LRRTM4: variants seen among roughly 807,000 people sequenced by gnomAD.
LRRTM4 encodes the protein leucine rich repeat transmembrane neuronal 4, also known as leucine-rich repeat transmembrane neuronal protein 4.
Under a neutral mutation model 47.6 loss-of-function variants are expected in LRRTM4, and 25 were observed. That is an observed-to-expected ratio of 0.53 (90% CI 0.38 to 0.73). The LOEUF is 0.73. Ranked by LOEUF, LRRTM4 falls within the 30% of genes least tolerant of loss-of-function variation. The pLI, the probability that LRRTM4 is intolerant of heterozygous loss-of-function variation, is 0.00. For synonymous variants in LRRTM4, 311 were observed against 269.5 expected, an observed-to-expected ratio of 1.15 and a Z score of -1.51; for missense variants, 638 against 713.4, an observed-to-expected ratio of 0.89 and a Z score of 1.20.
intron 3 of LRRTM4, among the ~76,000 whole-genome samples, chr2:76,808,547 T>C (rs1287234832): frequency 6.6e-6 from 1 of 152,196 alleles, no homozygotes; most frequent in Non-Finnish European, 1.5e-5. Flanking sequence ...GGTTGTCTTT[T>C]ATTTATTGAT....
At chr2:76,945,427 G>A (rs1292590387) in intron 3 of LRRTM4, among the ~76,000 whole-genome samples, 2 of 151,970 alleles carry the variant, frequency 1.3e-5, no homozygotes, top group Non-Finnish European at 2.9e-5. Flanking sequence ...TAAGGCATGG[G>A]GCAATATTGG....
chr2:77,181,783 T>C (rs1360690197), intron 3 of LRRTM4, among the ~76,000 whole-genome samples: 1 of 151,952 alleles, frequency 6.6e-6, no homozygotes, highest in Non-Finnish European at 1.5e-5. Flanking sequence ...AAAGGCAATT[T>C]AACAAAATTA....
intron 3 of LRRTM4, among the ~76,000 whole-genome samples, chr2:76,970,477 T>C (rs970692101): frequency 2.6e-5 from 4 of 152,002 alleles, no homozygotes; most frequent in Non-Finnish European, 2.9e-5. Context: ...AAGCATGCTA[T>C]TGAATAAGTT....
chr2:77,379,975 A>G (rs1345764705), intron 3 of LRRTM4, among the ~76,000 whole-genome samples: 1 of 152,104 alleles, frequency 6.6e-6, no homozygotes, highest in Non-Finnish European at 1.5e-5. Context: ...ATAGCAAGCA[A>G]TAAGAAGGCA....
chr2:77,323,122 C>A (rs1356211951), intron 3 of LRRTM4, among the ~76,000 whole-genome samples: 1 of 152,030 alleles, frequency 6.6e-6, no homozygotes, highest in African/African-American at 2.4e-5. Flanking sequence ...CTCTGTGCTT[C>A]TATTCCTCTT....
chr2:77,306,572 T>C (rs1028198585), intron 3 of LRRTM4, among the ~76,000 whole-genome samples: 1 of 152,256 alleles, frequency 6.6e-6, no homozygotes, highest in South Asian at 2.1e-4. Context: ...TTAATATCGC[T>C]CTCCTCTTCT....
At chr2:77,507,162 G>A (rs1678808324) in intron 3 of LRRTM4, among the ~76,000 whole-genome samples, 1 of 151,998 alleles carries the variant, frequency 6.6e-6, no homozygotes, top group Admixed American at 6.6e-5. Context: ...AATGTATCAT[G>A]TTAATCTACA....
chr2:76,830,515 C>CGTGTGTGTGTGTGTGTGTGTGTGT, intron 3 of LRRTM4, among the ~76,000 whole-genome samples: 1 of 144,088 alleles, frequency 6.9e-6, no homozygotes, highest in East Asian at 2.1e-4. Context: ...GCAGTGTGTG[C>CGTGTGTGTGTGTGTGTGTGTGTGT]GTGTGTGTGT....
At chr2:77,094,012 C>T (rs960685226) in intron 3 of LRRTM4, among the ~76,000 whole-genome samples, 14 of 116,144 alleles carry the variant, frequency 1.2e-4, no homozygotes, top group South Asian at 2.7e-4. Context: ...TATCTCCCTT[C>T]GCTGACTCTT....
chr2:77,124,750 A>G (rs1195273609), intron 3 of LRRTM4, among the ~76,000 whole-genome samples: 1 of 152,130 alleles, frequency 6.6e-6, no homozygotes, highest in Non-Finnish European at 1.5e-5. Flanking sequence ...TGTTTTCCAG[A>G]CAATGGAGCA....
At chr2:77,132,660 G>A (rs1281111167) in intron 3 of LRRTM4, among the ~76,000 whole-genome samples, 1 of 152,136 alleles carries the variant, frequency 6.6e-6, no homozygotes. Context: ...GAGCAGAAGA[G>A]CAAAAAGGGC....
intron 3 of LRRTM4, among the ~76,000 whole-genome samples, chr2:76,760,417 A>AGAAGAGG (rs1353670313): frequency 6.6e-6 from 1 of 152,178 alleles, no homozygotes; most frequent in East Asian, 1.9e-4. Flanking sequence ...AAGGAAGGAA[A>AGAAGAGG]GAAGAGGGAA....
chr2:77,298,985 G>A (rs1225522008), intron 3 of LRRTM4, among the ~76,000 whole-genome samples: 6 of 152,020 alleles, frequency 3.9e-5, no homozygotes, highest in Non-Finnish European at 8.8e-5. Flanking sequence ...TATAGAAGAT[G>A]ATGCATAAAA....
Position 77,519,242 on chromosome 2 carries a change from C to A in LRRTM4, c.627G>T (p.Glu209Asp). Residue 209 changes from glutamate to aspartate, a missense_variant, in exon 3 of 4, where the codon GAG becomes GAT. Transcript: ENST00000409884. The surrounding 1 kb of genome is among the most constrained non-coding windows in gnomAD (Gnocchi z 4.6). ...AAAACTGGTTGTGCTCCAGGTGGAG[C>A]TCCTTTAACTTCAAGAGGCCAGCAA... Reference protein sequence around the residue: ...NAFAGLLKLKELHLEHNQFSK... With the variant: ...NAFAGLLKLKDLHLEHNQFSK... 1 of 1,613,328 alleles carries A rather than the reference C, an allele frequency of 6.2e-7. No individual in the cohort carries two copies. The highest frequency in any genetic ancestry group is 8.5e-7 in the Non-Finnish European group (1 of 1,179,580).
At chr2:77,157,973 T>TA (rs949507238) in intron 3 of LRRTM4, among the ~76,000 whole-genome samples, 20 of 152,054 alleles carry the variant, frequency 1.3e-4, no homozygotes, top group African/African-American at 4.3e-4. Flanking sequence ...ACTTCTGAAT[T>TA]AAAAAACATT....
chr2:76,918,633 G>A (rs972919831), intron 3 of LRRTM4, among the ~76,000 whole-genome samples: 6 of 152,244 alleles, frequency 3.9e-5, no homozygotes, highest in Admixed American at 1.3e-4. Flanking sequence ...GGAAGCATCT[G>A]TGTAATCACT....
At chr2:77,102,119 A>T (rs1389861380) in intron 3 of LRRTM4, among the ~76,000 whole-genome samples, 1 of 152,096 alleles carries the variant, frequency 6.6e-6, no homozygotes, top group East Asian at 1.9e-4. Context: ...TCTATACTCA[A>T]ATCTCCAGTT....
chr2:77,385,563 C>G (rs1225554669), intron 3 of LRRTM4, among the ~76,000 whole-genome samples: 1 of 152,084 alleles, frequency 6.6e-6, no homozygotes, highest in Non-Finnish European at 1.5e-5. Flanking sequence ...AAACTTCAGA[C>G]TGAAGAAGTA....
chr2:76,778,712 C>T (rs1244548053), intron 3 of LRRTM4, among the ~76,000 whole-genome samples: 1 of 151,290 alleles, frequency 6.6e-6, no homozygotes, highest in Non-Finnish European at 1.5e-5. Context: ...AAAAAACCAG[C>T]TCCTGGATTC....
Sources: gnomAD v4.1 joint callset for allele counts (sites outside exome capture counted in the v4.1 genomes callset) on GRCh38, gnomAD v4.1.1 for gene constraint, Gnocchi (gnomAD v3.1) non-coding constraint, MANE v1.5 for transcripts, NCBI Gene and HGNC (gene_info 2026-07-23, HGNC 2026-07-21) for gene names.